Variants in DUSP16 observed in about 807,000 individuals in gnomAD.
The protein encoded by DUSP16 is dual specificity protein phosphatase 16.
In DUSP16, 21 loss-of-function variants were observed where a neutral mutation model predicts 58.3. The observed-to-expected ratio is 0.36, with a 90% CI of 0.26 to 0.52. The LOEUF is 0.52. Ranked by LOEUF, DUSP16 falls within the 20% of genes least tolerant of loss-of-function variation. DUSP16 has a pLI of 0.94. For synonymous variants in DUSP16, 320 were observed against 323.8 expected (o/e 0.99, Z 0.12); for missense variants, 726 against 819.0 (o/e 0.89, Z 1.39).
chr12:12,509,538 G>A (rs1208837824), intron 3 of DUSP16, among the ~76,000 whole-genome samples: 3 of 151,524 alleles, frequency 2.0e-5, no homozygotes, highest in African/African-American at 7.3e-5. Context: ...GTCCAGCTTA[G>A]AGGCTCTATA....
At chr12:12,532,020 C>T (rs1163628737) in intron 1 of DUSP16, among the ~76,000 whole-genome samples, 4 of 151,112 alleles carry the variant, frequency 2.6e-5, no homozygotes, top group Non-Finnish European at 4.4e-5. Flanking sequence ...TAGCCGGGCG[C>T]GGTGGCGGGC....
rs140470658 is a variant in DUSP16 at position 12,500,500 on chromosome 12, A to C, written c.531+19T>G. On this transcript the variant is annotated intron_variant, in intron 4 of 6. Coordinates refer to ENST00000298573, the MANE Select transcript of DUSP16 (RefSeq NM_030640.3). ...AACAATATAAACCCAGCAATGAAGG[A>C]TATTTTCAAAGCACCCACCTTGTTG... 1.9e-6 allele frequency: 3 copies of C among 1,591,326 alleles called. No homozygotes were observed. The highest frequency in any genetic ancestry group is 2.6e-6 in the Non-Finnish European group (3 of 1,171,306).
intron 3 of DUSP16, among the ~76,000 whole-genome samples, chr12:12,504,506 C>T (rs1208200969): frequency 6.6e-6 from 1 of 152,046 alleles, no homozygotes; most frequent in Non-Finnish European, 1.5e-5. Context: ...AAGTGATCTA[C>T]CCACCTTGGC....
chr12:12,548,999 C>G (rs371401713), intron 1 of DUSP16, among the ~76,000 whole-genome samples: 19 of 152,296 alleles, frequency 1.2e-4, no homozygotes, highest in African/African-American at 4.1e-4. Context: ...AAAATGAGAA[C>G]ACTGTACTGA....
At chr12:12,518,755 T>G (rs1944188951) in intron 3 of DUSP16, among the ~76,000 whole-genome samples, 1 of 152,164 alleles carries the variant, frequency 6.6e-6, no homozygotes, top group African/African-American at 2.4e-5. Flanking sequence ...AACTACATTC[T>G]AAGACAAGCT....
chr12:12,504,318 G>T (rs1209969834), intron 3 of DUSP16, among the ~76,000 whole-genome samples: 1 of 152,004 alleles, frequency 6.6e-6, no homozygotes, highest in Admixed American at 6.6e-5. Flanking sequence ...CTAGGCTGGA[G>T]TGGCATGATC....
chr12:12,482,730 T>C (rs1274848700), intron 5 of DUSP16, among the ~76,000 whole-genome samples: 5 of 152,180 alleles, frequency 3.3e-5, no homozygotes, highest in Admixed American at 1.3e-4. Context: ...CATTTGTTTT[T>C]TCAGACAGGG....
chr12:12,485,933 A>G (rs1943675007), intron 5 of DUSP16, among the ~76,000 whole-genome samples: 2 of 151,666 alleles, frequency 1.3e-5, no homozygotes, highest in Non-Finnish European at 1.5e-5. Context: ...AGCTGGGACT[A>G]CAGGTTCCTG....
chr12:12,478,644 A>C, intron 6 of DUSP16, among the ~76,000 whole-genome samples: 1 of 152,180 alleles, frequency 6.6e-6, no homozygotes, highest in Admixed American at 6.5e-5. Flanking sequence ...CCAAGAGATG[A>C]TTATTTATTC....
In DUSP16 at chr12:12,474,171, G is replaced by C. The variant is rs1037497484; in HGVS notation, c.*2662C>G. The C allele has an allele frequency of 1.3e-5, 2 of 152,162 alleles. No individual in the cohort carries two copies. The highest frequency in any genetic ancestry group is 1.3e-4 in the Admixed American group (2 of 15,280). The allele number at this position is 152,162 out of a possible 1,614,324, so 9.4% of individuals were successfully genotyped here. A position where few individuals can be genotyped will look rare whatever the true frequency, so the allele number is the denominator to read the frequency against. On this transcript the variant is annotated 3_prime_UTR_variant, in exon 7 of 7. Coordinates refer to ENST00000298573, the MANE Select transcript of DUSP16 (RefSeq NM_030640.3). ...ACTGCCTCCTTTGGCAACTTGAGTGGTGGTGTTCCCACCGAGTTTATGGCT... is the reference window on the plus strand; with the variant it reads ...ACTGCCTCCTTTGGCAACTTGAGTGCTGGTGTTCCCACCGAGTTTATGGCT...
At chr12:12,522,567 A>ATTT (rs200720540) in intron 1 of DUSP16, among the ~76,000 whole-genome samples, 3 of 145,912 alleles carry the variant, frequency 2.1e-5, no homozygotes, top group African/African-American at 5.0e-5. Context: ...TAGAGGGTAA[A>ATTT]TTTTTTTTTT....
At position 12,476,161 on chromosome 12, in the gene DUSP16, A is replaced by C. The variant is rs538330802; in HGVS notation, c.*672T>G. 6.6e-6 allele frequency: 1 copy of C among 152,622 alleles called. No homozygotes were observed. Among genetic ancestry groups the C allele is most frequent in the Non-Finnish European group, 1.5e-5 (1 of 68,042 alleles). 9.5% of individuals were successfully genotyped at this position (152,622 alleles called of 1,614,324 possible). Reference sequence around the variant, plus strand: ...GTCTGAAAAGTGTGACTAGCTACCTACCTATTCACAATGCCTAGAAAATGG... The same window carrying C: ...GTCTGAAAAGTGTGACTAGCTACCTCCCTATTCACAATGCCTAGAAAATGG... On this transcript the variant is annotated 3_prime_UTR_variant, in exon 7 of 7. Coordinates refer to ENST00000298573, the MANE Select transcript of DUSP16 (RefSeq NM_030640.3).
intron 6 of DUSP16, 148 bp downstream of exon 6, chr12:12,480,075 A>G: frequency 1.8e-6 from 2 of 1,115,854 alleles, no homozygotes; most frequent in East Asian, 2.4e-5. Context: ...TCCAATCTTC[A>G]CAAGACCATT....
At chr12:12,513,295 T>A (rs961115263) in intron 3 of DUSP16, among the ~76,000 whole-genome samples, 1 of 152,240 alleles carries the variant, frequency 6.6e-6, no homozygotes, top group African/African-American at 2.4e-5. Flanking sequence ...CATAGTTTAA[T>A]GCTTTAAAAC....
chr12:12,523,437 C>T (rs1023086055), intron 1 of DUSP16, among the ~76,000 whole-genome samples: 1 of 152,242 alleles, frequency 6.6e-6, no homozygotes, highest in East Asian at 1.9e-4. Context: ...TGCAACCAAA[C>T]TGTGCCCTTT....
At chr12:12,543,590 T>C (rs1944596826) in intron 1 of DUSP16, among the ~76,000 whole-genome samples, 1 of 152,140 alleles carries the variant, frequency 6.6e-6, no homozygotes, top group African/African-American at 2.4e-5. Flanking sequence ...TTTATAACTG[T>C]AAAAAGAAAC....
At chr12:12,532,848 T>C (rs777415414) in intron 1 of DUSP16, among the ~76,000 whole-genome samples, 19 of 151,412 alleles carry the variant, frequency 1.3e-4, no homozygotes, top group Non-Finnish European at 2.5e-4. Flanking sequence ...TTCGGGAGGC[T>C]GAGGCAGCAG....
intron 1 of DUSP16, among the ~76,000 whole-genome samples, chr12:12,543,658 T>C (rs144997276): frequency 7.2e-4 from 109 of 152,226 alleles, no homozygotes; most frequent in African/African-American, 2.5e-3. Context: ...CAATGTAGTA[T>C]ACCATATGGA....
chr12:12,556,933 C>A (rs1944814519), intron 1 of DUSP16, among the ~76,000 whole-genome samples: 1 of 152,120 alleles, frequency 6.6e-6, no homozygotes, highest in South Asian at 2.1e-4. Context: ...TACATCTTTT[C>A]TTTTGTATGT....
Sources: allele counts gnomAD v4.1 joint callset (sites outside exome capture counted in the v4.1 genomes callset), GRCh38; gene constraint gnomAD v4.1.1; transcripts MANE v1.5; gene names NCBI Gene and HGNC (gene_info 2026-07-23, HGNC 2026-07-21).